LRMDA: variants seen among roughly 807,000 people sequenced by gnomAD.
The protein encoded by LRMDA is leucine rich melanocyte differentiation associated.
In LRMDA, 18 loss-of-function variants were observed where a neutral mutation model predicts 29.8. The ratio of observed to expected loss-of-function variants is 0.60; its 90% CI spans 0.42 to 0.90. The LOEUF is 0.90. Among genes scored for constraint, LRMDA ranks in the 40% least tolerant of loss-of-function variants. LRMDA has a pLI of 0.00. For missense variants in LRMDA, 273 were observed against 273.9 expected, an observed-to-expected ratio of 1.00 and a Z score of 0.02; for synonymous variants, 125 against 109.4, an observed-to-expected ratio of 1.14 and a Z score of -0.89.
intron 6 of LRMDA, among the ~76,000 whole-genome samples, chr10:76,362,028 G>A (rs1437649322): frequency 1.3e-5 from 2 of 152,320 alleles, no homozygotes; most frequent in African/African-American, 4.8e-5. Context: ...TGGCAAATGA[G>A]TTTGAAGGGA....
chr10:76,206,320 C>T (rs925952563), intron 5 of LRMDA, among the ~76,000 whole-genome samples: 4 of 152,174 alleles, frequency 2.6e-5, no homozygotes, highest in African/African-American at 9.7e-5. Context: ...ACTCCTGTCA[C>T]CTTTCATAAG....
At chr10:75,583,989 C>A (rs1046414098) in intron 2 of LRMDA, among the ~76,000 whole-genome samples, 1 of 152,166 alleles carries the variant, frequency 6.6e-6, no homozygotes, top group Admixed American at 6.5e-5. Flanking sequence ...CCCAGCCCCC[C>A]CATAGGGACT....
chr10:75,843,308 C>T (rs1304760462), intron 2 of LRMDA, among the ~76,000 whole-genome samples: 1 of 152,182 alleles, frequency 6.6e-6, no homozygotes, highest in Admixed American at 6.5e-5. Context: ...TGAGGAAATG[C>T]ATTTCAGAGA....
At chr10:76,267,198 T>C (rs78363865) in intron 5 of LRMDA, among the ~76,000 whole-genome samples, 1 of 150,580 alleles carries the variant, frequency 6.6e-6, no homozygotes, top group Non-Finnish European at 1.5e-5. Flanking sequence ...ATGCACATAA[T>C]TTTTTTTTGT....
At chr10:76,404,787 G>C (rs983564062) in intron 6 of LRMDA, among the ~76,000 whole-genome samples, 1 of 152,160 alleles carries the variant, frequency 6.6e-6, no homozygotes, top group Admixed American at 6.5e-5. Context: ...TTAAGTTAAG[G>C]AACTTGAGAT....
At chr10:76,290,411 C>CTTTTT (rs11321369) in intron 5 of LRMDA, among the ~76,000 whole-genome samples, 22 of 76,756 alleles carry the variant, frequency 2.9e-4, no homozygotes, top group East Asian at 3.9e-4. Flanking sequence ...TTTATTTTCT[C>CTTTTT]TTTTTTTTTT....
intron 5 of LRMDA, among the ~76,000 whole-genome samples, chr10:76,103,857 T>C (rs1441650287): frequency 2.0e-5 from 3 of 151,938 alleles, no homozygotes; most frequent in Non-Finnish European, 2.9e-5. Flanking sequence ...AAGACCAGCC[T>C]GGCCAAGATG....
At chr10:75,664,912 A>G (rs1841801976) in intron 2 of LRMDA, among the ~76,000 whole-genome samples, 1 of 152,184 alleles carries the variant, frequency 6.6e-6, no homozygotes, top group African/African-American at 2.4e-5. Context: ...AAGTAAGGAA[A>G]TGGAGAAGCC....
In LRMDA at chr10:75,496,918, A is replaced by G. The variant is rs111871910; in HGVS notation, c.131+58424A>G. Among the ~76,000 whole-genome samples, 848 of 152,224 alleles carry G rather than the reference A, an allele frequency of 5.6e-3. 9 individuals are homozygous for G. The highest frequency in any genetic ancestry group is 0.014 in the Middle Eastern group (4 of 294). ...GAGGGGTATATACACATATGTGTAT[A>G]TATGACCTGTGGACCCCACCCCCTG... On this transcript the variant is annotated intron_variant, in intron 2 of 6. Coordinates refer to ENST00000611255, the MANE Select transcript of LRMDA (RefSeq NM_001305581.2).
At chr10:75,476,116 A>G (rs958564033) in intron 2 of LRMDA, among the ~76,000 whole-genome samples, 1 of 152,250 alleles carries the variant, frequency 6.6e-6, no homozygotes, top group African/African-American at 2.4e-5. Flanking sequence ...AGTTGCTGGA[A>G]TCTGCACTTA....
intron 2 of LRMDA, among the ~76,000 whole-genome samples, chr10:75,582,050 G>T (rs918861753): frequency 6.6e-6 from 1 of 152,224 alleles, no homozygotes; most frequent in Non-Finnish European, 1.5e-5. Flanking sequence ...CTGTGACTTT[G>T]TAGGGTTCAG....
At chr10:76,157,806 C>T (rs957917647) in intron 5 of LRMDA, among the ~76,000 whole-genome samples, 2 of 152,090 alleles carry the variant, frequency 1.3e-5, no homozygotes, top group East Asian at 3.9e-4. Context: ...GTGATTTTGT[C>T]ATTGTGTGAA....
chr10:76,211,491 G>A (rs1851633326), intron 5 of LRMDA, among the ~76,000 whole-genome samples: 1 of 152,208 alleles, frequency 6.6e-6, no homozygotes, highest in African/African-American at 2.4e-5. Context: ...CAGGGAGTTA[G>A]CCACATAAAA....
intron 6 of LRMDA, among the ~76,000 whole-genome samples, chr10:76,392,204 C>G (rs1258556813): frequency 3.9e-5 from 6 of 152,066 alleles, no homozygotes; most frequent in Non-Finnish European, 2.9e-5. Context: ...CCAATATTAT[C>G]TCGGTAATCC....
intron 6 of LRMDA, among the ~76,000 whole-genome samples, chr10:76,326,064 A>G (rs770671599): frequency 2.6e-5 from 4 of 152,220 alleles, no homozygotes; most frequent in African/African-American, 4.8e-5. Flanking sequence ...ATTTTACTGA[A>G]GAAAATCCCT....
intron 5 of LRMDA, among the ~76,000 whole-genome samples, chr10:76,090,484 A>C (rs1849213279): frequency 6.6e-6 from 1 of 152,212 alleles, no homozygotes; most frequent in Non-Finnish European, 1.5e-5. Context: ...AAAAAATTAA[A>C]AGTAGAATTA....
intron 2 of LRMDA, among the ~76,000 whole-genome samples, chr10:75,580,876 C>T (rs1218260807): frequency 1.3e-5 from 2 of 152,182 alleles, no homozygotes; most frequent in Non-Finnish European, 2.9e-5. Flanking sequence ...ATGCAGAAAG[C>T]TGAAACTGGA....
intron 2 of LRMDA, among the ~76,000 whole-genome samples, chr10:75,746,094 C>G (rs1221635823): frequency 1.3e-5 from 2 of 152,218 alleles, no homozygotes; most frequent in Non-Finnish European, 2.9e-5. Flanking sequence ...CTACTGGCAT[C>G]TCACCACCAG....
chr10:76,337,874 G>A (rs1415525148), intron 6 of LRMDA, among the ~76,000 whole-genome samples: 1 of 152,072 alleles, frequency 6.6e-6, no homozygotes, highest in Non-Finnish European at 1.5e-5. Flanking sequence ...GTGGTTTCTT[G>A]TTGGTTAAGC....
Sources: gnomAD v4.1 joint callset for allele counts (sites outside exome capture counted in the v4.1 genomes callset) on GRCh38, gnomAD v4.1.1 for gene constraint, MANE v1.5 for transcripts, NCBI Gene and HGNC (gene_info 2026-07-23, HGNC 2026-07-21) for gene names.